Variants in FIGN observed in about 807,000 individuals in gnomAD.
The protein encoded by FIGN is fidgetin, microtubule severing factor, also known as fidgetin.
Under a neutral mutation model 51.3 loss-of-function variants are expected in FIGN, and 11 were observed. That is an observed-to-expected ratio of 0.21 (90% CI 0.13 to 0.35). FIGN has a LOEUF of 0.35. FIGN is among the 10% of genes least tolerant of loss of function. The pLI, the probability that FIGN is intolerant of heterozygous loss-of-function variation, is 1.00. For missense variants in FIGN, 857 were observed against 943.6 expected (o/e 0.91, Z 1.20); for synonymous variants, 407 against 363.2 (o/e 1.12, Z -1.37).
chr2:163,648,620 A>T (rs1482605178), intron 2 of FIGN, among the ~76,000 whole-genome samples: 2 of 152,238 alleles, frequency 1.3e-5, no homozygotes, highest in African/African-American at 4.8e-5. Flanking sequence ...CAGGAATATC[A>T]GGCCACTGCT....
intron 2 of FIGN, among the ~76,000 whole-genome samples, chr2:163,637,097 CG>C (rs1553495541): frequency 6.6e-6 from 1 of 151,972 alleles, no homozygotes; most frequent in Non-Finnish European, 1.5e-5. Flanking sequence ...AAACAAAAAA[CG>C]GAACACAGAG....
At chr2:163,669,192 A>G (rs945524883) in intron 2 of FIGN, among the ~76,000 whole-genome samples, 5 of 152,190 alleles carry the variant, frequency 3.3e-5, no homozygotes, top group South Asian at 2.1e-4. Context: ...AACTAATAAC[A>G]ACTAAACAAA....
Position 163,680,541 on chromosome 2 carries a change from C to A in FIGN, c.25+54362G>T, listed in dbSNP as rs1684044398. Among the ~76,000 whole-genome samples, 5 of 152,244 alleles carry A rather than the reference C, an allele frequency of 3.3e-5. No individual in the cohort carries two copies. In the South Asian group the frequency reaches 1.0e-3, roughly 32 times the overall value. On this transcript the variant is annotated intron_variant, in intron 2 of 2. Transcript: ENST00000333129. ...AGCCCCATCTCATCTGCCATCACCC[C>A]CTCACCTGGAAGCCTGTGAATTGAT...
chr2:163,603,560 C>T lies in FIGN; in HGVS notation c.*5992G>A, dbSNP rs553484093. The stretch of plus-strand genomic sequence containing the variant: ...CCTCTCTTAATCACTACTAGACAGC[C>T]TCTAGACAATACATTCCTGCAAGGA... On this transcript the variant is annotated 3_prime_UTR_variant, in exon 3 of 3. Transcript: ENST00000333129. 1.3e-5 allele frequency: 2 copies of T among 152,200 alleles called. No individual in the cohort carries two copies. The highest frequency in any genetic ancestry group is 2.4e-5 in the African/African-American group (1 of 41,562). The allele number at this position is 152,200 out of a possible 1,614,324, so 9.4% of individuals were successfully genotyped here.
At chr2:163,730,504 T>TTGTG (rs59444555) in intron 2 of FIGN, among the ~76,000 whole-genome samples, 13,529 of 148,876 alleles carry the variant, frequency 0.091, 772 homozygotes, top group East Asian at 0.19. Flanking sequence ...TGCTCCGTGT[T>TTGTG]TGTGTGTGTG....
intron 2 of FIGN, among the ~76,000 whole-genome samples, chr2:163,700,694 T>G (rs1411441962): frequency 1.3e-5 from 2 of 152,138 alleles, no homozygotes; most frequent in African/African-American, 4.8e-5. Context: ...CTGTGGTATG[T>G]GAAGATGTTC....
intron 2 of FIGN, among the ~76,000 whole-genome samples, chr2:163,696,344 G>T (rs1559024115): frequency 6.6e-6 from 1 of 151,884 alleles, no homozygotes; most frequent in Non-Finnish European, 1.5e-5. Context: ...GTGTTTCCTG[G>T]TACCCCATGA....
intron 2 of FIGN, among the ~76,000 whole-genome samples, chr2:163,694,645 C>T (rs1298537262): frequency 6.6e-6 from 1 of 152,108 alleles, no homozygotes; most frequent in African/African-American, 2.4e-5. Context: ...GTCACTGGGA[C>T]AAGATCATAT....
Position 163,605,320 on chromosome 2 carries a change from C to T in FIGN, c.*4232G>A, listed in dbSNP as rs971631628. 4 of 152,040 alleles carry T rather than the reference C, an allele frequency of 2.6e-5. No homozygotes were observed. Among genetic ancestry groups the T allele is most frequent in the African/African-American group, 7.2e-5 (3 of 41,430 alleles). 9.4% of individuals were successfully genotyped at this position (152,040 alleles called of 1,614,324 possible). On this transcript the variant is annotated 3_prime_UTR_variant, in exon 3 of 3. Coordinates refer to ENST00000333129, the MANE Select transcript of FIGN (RefSeq NM_018086.4). ...AAAGGTCTTAGCAAAGTGTGAGCTT[C>T]AGTTCATGTGTTGGTTAGTCACAAG...
At position 163,607,528 on chromosome 2, in the gene FIGN, CTATGT is replaced by C. The variant is rs200784534; in HGVS notation, c.*2019_*2023del. Reference sequence around the variant, plus strand: ...ATAAGAAATCCCTCATGAGCTTTCTCTATGTTAAGTGTTTCAGAGAATTGGATATT... The same window carrying C: ...ATAAGAAATCCCTCATGAGCTTTCTCTAAGTGTTTCAGAGAATTGGATATT... On this transcript the variant is annotated 3_prime_UTR_variant, in exon 3 of 3. Coordinates refer to ENST00000333129, the MANE Select transcript of FIGN (RefSeq NM_018086.4). 0.02 allele frequency: 3,092 copies of C among 152,150 alleles called. 30 individuals are homozygous for C. The highest frequency in any genetic ancestry group is 0.027 in the Middle Eastern group (8 of 294). 9.4% of individuals were successfully genotyped at this position (152,150 alleles called of 1,614,324 possible). A position where few individuals can be genotyped will look rare whatever the true frequency, so the allele number is the denominator to read the frequency against.
At chr2:163,720,974 ATAAATAAATAAG>A (rs1181243559) in intron 2 of FIGN, among the ~76,000 whole-genome samples, 2 of 152,156 alleles carry the variant, frequency 1.3e-5, no homozygotes, top group Non-Finnish European at 2.9e-5. Context: ...TAGGGTCAAA[ATAAATAAATAAG>A]TAAATAAAAA....
intron 2 of FIGN, among the ~76,000 whole-genome samples, chr2:163,675,559 T>G (rs555878638): frequency 6.6e-6 from 1 of 152,300 alleles, no homozygotes; most frequent in African/African-American, 2.4e-5. Flanking sequence ...CTCTAATGCA[T>G]GCAAAGCTTG....
intron 2 of FIGN, among the ~76,000 whole-genome samples, chr2:163,692,494 A>C (rs1684253491): frequency 6.6e-6 from 1 of 152,330 alleles, no homozygotes; most frequent in East Asian, 1.9e-4. Context: ...TCTTCAATTA[A>C]ATGAAACAGT....
chr2:163,673,648 C>T (rs144396969), intron 2 of FIGN, among the ~76,000 whole-genome samples: 95 of 152,148 alleles, frequency 6.2e-4, no homozygotes, highest in Middle Eastern at 3.4e-3. Context: ...AAGAAGAAAA[C>T]GGAAGCTCAG....
intron 2 of FIGN, among the ~76,000 whole-genome samples, chr2:163,621,579 T>C (rs377334621): frequency 2.0e-5 from 3 of 152,282 alleles, no homozygotes; most frequent in East Asian, 3.9e-4. Context: ...GGATTAAAAG[T>C]GAGAAGCTCT....
chr2:163,693,667 A>C (rs187729868), intron 2 of FIGN, among the ~76,000 whole-genome samples: 388 of 152,248 alleles, frequency 2.5e-3, no homozygotes, highest in Non-Finnish European at 4.5e-3. Flanking sequence ...TTTGGGTTAG[A>C]AAAGAGAACT....
intron 2 of FIGN, among the ~76,000 whole-genome samples, chr2:163,715,407 G>A (rs1684652738): frequency 6.6e-6 from 1 of 152,158 alleles, no homozygotes; most frequent in Admixed American, 6.5e-5. Flanking sequence ...CTGATGAGGA[G>A]GACGCCTGTC....
intron 2 of FIGN, among the ~76,000 whole-genome samples, chr2:163,728,566 C>G (rs1222899315): frequency 6.6e-6 from 1 of 152,126 alleles, no homozygotes; most frequent in Admixed American, 6.5e-5. Context: ...GCAGGAGATA[C>G]TTAATGGTTC....
At chr2:163,617,430 ACAATT>A in intron 2 of FIGN, among the ~76,000 whole-genome samples, 1 of 152,264 alleles carries the variant, frequency 6.6e-6, no homozygotes, top group South Asian at 2.1e-4. Context: ...TCTCTTTTTC[ACAATT>A]TCACAGTCTA....
Sources: allele counts gnomAD v4.1 joint callset (sites outside exome capture counted in the v4.1 genomes callset), GRCh38; gene constraint gnomAD v4.1.1; transcripts MANE v1.5; gene names NCBI Gene and HGNC (gene_info 2026-07-23, HGNC 2026-07-21).